RAP1GDS1: variants seen among roughly 807,000 people sequenced by gnomAD.
RAP1GDS1 encodes Rap1 GTPase-GDP dissociation stimulator 1, also known as RAP1, GTP-GDP dissociation stimulator 1.
RAP1GDS1 carries 35 observed loss-of-function variants against 71.1 expected under a neutral mutation model. That is an observed-to-expected ratio of 0.49 (90% CI 0.38 to 0.65). The LOEUF (loss-of-function observed/expected upper bound fraction) is 0.65, where lower values mean the gene tolerates loss of function less well. Ranked by LOEUF, RAP1GDS1 falls within the 30% of genes least tolerant of loss-of-function variation. RAP1GDS1 has a pLI of 0.00. For missense variants in RAP1GDS1, 663 were observed against 706.1 expected, an observed-to-expected ratio of 0.94 and a Z score of 0.69; for synonymous variants, 229 against 243.1, an observed-to-expected ratio of 0.94 and a Z score of 0.54.
chr4:98,382,740 T>A (rs965229853), intron 5 of RAP1GDS1, among the ~76,000 whole-genome samples: 1 of 151,682 alleles, frequency 6.6e-6, no homozygotes, highest in African/African-American at 2.4e-5. Context: ...TTTTTCTGGA[T>A]ACTTATTATC....
At chr4:98,418,102 G>C (rs767545057) in intron 9 of RAP1GDS1, among the ~76,000 whole-genome samples, 1 of 151,750 alleles carries the variant, frequency 6.6e-6, no homozygotes, top group African/African-American at 2.4e-5. Context: ...ACAAACTGTT[G>C]GTATATATTA....
chr4:98,378,051 A>G (rs899870798), intron 4 of RAP1GDS1, among the ~76,000 whole-genome samples: 2 of 151,816 alleles, frequency 1.3e-5, no homozygotes, highest in African/African-American at 4.8e-5. Flanking sequence ...ACTAAAATTA[A>G]TTTTCACCTG....
chr4:98,319,597 G>A (rs1469831618), intron 2 of RAP1GDS1, among the ~76,000 whole-genome samples: 3 of 151,712 alleles, frequency 2.0e-5, no homozygotes, highest in Admixed American at 1.3e-4. Flanking sequence ...ACTGGCCAAC[G>A]TGGTGAAACC....
rs1297498161 is a variant in RAP1GDS1 at position 98,386,413 on chromosome 4, T to C, written c.509-5539T>C. On this transcript the variant is annotated intron_variant, in intron 5 of 14. Coordinates refer to ENST00000408927, the MANE Select transcript of RAP1GDS1 (RefSeq NM_001100427.2). ...TTTTGCCATTTATATTTAAAACTTT[T>C]ACAAAAGGGAAATTTTGCCATGTAG... 2.6e-5 allele frequency among the ~76,000 whole-genome samples: 4 copies of C among 151,974 alleles called. No individual in the cohort carries two copies. In the East Asian group the frequency reaches 5.8e-4, roughly 22 times the overall value.
chr4:98,382,845 T>C (rs1036659956), intron 5 of RAP1GDS1, among the ~76,000 whole-genome samples: 1 of 151,668 alleles, frequency 6.6e-6, no homozygotes, highest in African/African-American at 2.4e-5. Context: ...CATTACAAAC[T>C]CTTTCCCACT....
Position 98,293,422 on chromosome 4 carries a change from A to G in RAP1GDS1, c.19A>G (p.Thr7Ala), listed in dbSNP as rs1472131363. ...TCTTTAAGCAGATAATCTCAGTGAT[A>G]CCTTGAAGAAGCTGAAGATAACAGC... MDNLSD[T>A]LKKLKITAVD... Residue 7 changes from threonine (T) to alanine (A), a missense_variant, in exon 2 of 15, where the codon ACC (threonine) becomes GCC (alanine). By Grantham distance (58) the Thr-to-Ala change is moderately conservative. Transcript: ENST00000408927. 4 of 1,601,190 alleles carry G rather than the reference A, an allele frequency of 2.5e-6. No individual in the cohort carries two copies. In the Admixed American group the frequency reaches 5.2e-5, roughly 21 times the overall value.
At chr4:98,432,627 AT>A (rs1280199524) in intron 12 of RAP1GDS1, among the ~76,000 whole-genome samples, 1 of 152,104 alleles carries the variant, frequency 6.6e-6, no homozygotes, top group African/African-American at 2.4e-5. Flanking sequence ...TTCTCAAAAA[AT>A]TTTTATGAAA....
At chr4:98,406,276 TTAAAA>T in intron 7 of RAP1GDS1, among the ~76,000 whole-genome samples, 1 of 152,106 alleles carries the variant, frequency 6.6e-6, no homozygotes, top group East Asian at 1.9e-4. Flanking sequence ...CACTTGTGTT[TTAAAA>T]TAAATAACTA....
chr4:98,397,499 TAAG>T (rs1744714531), intron 6 of RAP1GDS1, among the ~76,000 whole-genome samples: 1 of 151,352 alleles, frequency 6.6e-6, no homozygotes, highest in South Asian at 2.1e-4. Flanking sequence ...AGCAAACAAA[TAAG>T]AACAACCTCA....
intron 14 of RAP1GDS1, among the ~76,000 whole-genome samples, chr4:98,438,084 T>A (rs1209815080): frequency 6.6e-6 from 1 of 152,160 alleles, no homozygotes; most frequent in Non-Finnish European, 1.5e-5. Context: ...TTGCTTAACA[T>A]AATTTTCAGC....
intron 4 of RAP1GDS1, among the ~76,000 whole-genome samples, chr4:98,360,666 A>C (rs1163137835): frequency 4.6e-5 from 7 of 152,188 alleles, no homozygotes; most frequent in Admixed American, 4.6e-4. Context: ...ATTTGTAACC[A>C]AGTTGAAGTA....
intron 4 of RAP1GDS1, among the ~76,000 whole-genome samples, chr4:98,360,198 C>G (rs1738526300): frequency 6.6e-6 from 1 of 152,104 alleles, no homozygotes. Context: ...AAGCTAATGT[C>G]TTAGGGAAGA....
chr4:98,407,243 T>C (rs143099158), intron 7 of RAP1GDS1, among the ~76,000 whole-genome samples: 6 of 151,348 alleles, frequency 4.0e-5, no homozygotes, highest in African/African-American at 1.5e-4. Flanking sequence ...ATCTTCTCTC[T>C]TTTTTTTTGT....
chr4:98,438,590 C>CTTTTTTTTT (rs1185496995), intron 14 of RAP1GDS1, among the ~76,000 whole-genome samples: 1 of 62,572 alleles, frequency 1.6e-5, no homozygotes, highest in African/African-American at 7.9e-5. Flanking sequence ...ATATATATAT[C>CTTTTTTTTT]TTTTTTTTTT....
intron 1 of RAP1GDS1, among the ~76,000 whole-genome samples, chr4:98,285,806 A>G (rs1049181506): frequency 6.8e-6 from 1 of 146,902 alleles, no homozygotes; most frequent in South Asian, 2.1e-4. Flanking sequence ...TTATTAATAT[A>G]TTAATATTTA....
chr4:98,283,139 A>G (rs1321983259), intron 1 of RAP1GDS1, among the ~76,000 whole-genome samples: 1 of 152,252 alleles, frequency 6.6e-6, no homozygotes, highest in Non-Finnish European at 1.5e-5. Context: ...AGATTCTTCA[A>G]GTAACTTCAT....
At chr4:98,368,927 A>T (rs1191700074) in intron 4 of RAP1GDS1, among the ~76,000 whole-genome samples, 2 of 152,146 alleles carry the variant, frequency 1.3e-5, no homozygotes, top group African/African-American at 4.8e-5. Flanking sequence ...AGTCTGTTTC[A>T]CATGCTAGTC....
intron 2 of RAP1GDS1, among the ~76,000 whole-genome samples, chr4:98,309,966 G>T (rs958829022): frequency 6.6e-6 from 1 of 151,944 alleles, no homozygotes; most frequent in African/African-American, 2.4e-5. Flanking sequence ...CTTACTAAAT[G>T]TAGGTCGACT....
intron 5 of RAP1GDS1, 71 bp from the exon 6 acceptor site, chr4:98,391,881 T>G (rs1743734936): frequency 1.5e-6 from 2 of 1,375,514 alleles, no homozygotes; most frequent in Non-Finnish European, 9.7e-7. Context: ...AAGAGGTGTT[T>G]TCTTCTTATA....
Sources: allele counts gnomAD v4.1 joint callset (sites outside exome capture counted in the v4.1 genomes callset), GRCh38; gene constraint gnomAD v4.1.1; transcripts MANE v1.5; gene names NCBI Gene and HGNC (gene_info 2026-07-23, HGNC 2026-07-21).